MAP3K7: variants seen among roughly 807,000 people sequenced by gnomAD.
The protein encoded by MAP3K7 is TGF-beta activated kinase 1.
MAP3K7 carries 21 observed loss-of-function variants against 84.8 expected under a neutral mutation model. That is an observed-to-expected ratio of 0.25 (90% CI 0.18 to 0.36). The LOEUF (loss-of-function observed/expected upper bound fraction) is 0.36, where lower values mean the gene tolerates loss of function less well. Ranked by LOEUF, MAP3K7 falls within the 10% of genes least tolerant of loss-of-function variation. The probability of loss-of-function intolerance (pLI) is 1.00; values close to 1 mark genes in which losing one functional copy is unlikely to be tolerated. For missense variants in MAP3K7, 503 were observed against 747.7 expected (o/e 0.67, Z 3.82); for synonymous variants, 241 against 247.7 (o/e 0.97, Z 0.25).
chr6:90,575,517 G>A (rs540699287), intron 1 of MAP3K7, among the ~76,000 whole-genome samples: 7 of 152,244 alleles, frequency 4.6e-5, no homozygotes, highest in South Asian at 2.1e-4. Flanking sequence ...GCCCTAACCC[G>A]GGTTCCCTCA....
chr6:90,575,053 G>T (rs906500295), intron 1 of MAP3K7, among the ~76,000 whole-genome samples: 3 of 152,144 alleles, frequency 2.0e-5, no homozygotes, highest in African/African-American at 7.2e-5. Flanking sequence ...AATAATAACT[G>T]CTGTGAATTC....
intron 1 of MAP3K7, among the ~76,000 whole-genome samples, chr6:90,576,380 G>A (rs890018960): frequency 6.0e-5 from 9 of 151,226 alleles, no homozygotes; most frequent in South Asian, 2.1e-4. Context: ...CCGAGATCGC[G>A]CCACTGAACT....
intron 9 of MAP3K7, among the ~76,000 whole-genome samples, chr6:90,548,829 T>C (rs914525370): frequency 1.3e-5 from 2 of 150,408 alleles, no homozygotes; most frequent in African/African-American, 4.9e-5. Context: ...GAAAGTGCTG[T>C]CTGTAAGAAG....
chr6:90,576,349 A>G (rs1777075513), intron 1 of MAP3K7, among the ~76,000 whole-genome samples: 2 of 151,454 alleles, frequency 1.3e-5, no homozygotes, highest in African/African-American at 4.9e-5. Flanking sequence ...CGTGAACCTG[A>G]GAGGCCGAGG....
At chr6:90,553,363 A>C in intron 7 of MAP3K7, 95 bp downstream of exon 7, 15 of 1,184,372 alleles carry the variant, frequency 1.3e-5, no homozygotes, top group East Asian at 2.4e-5. Context: ...TTTTAATGTT[A>C]GAGATAAATG....
At chr6:90,523,541 C>T in intron 14 of MAP3K7, 137 bp downstream of exon 14, 1 of 520,124 alleles carries the variant, frequency 1.9e-6, no homozygotes, top group Admixed American at 3.0e-5. Context: ...ACATGTATTA[C>T]TAAATAGTTT....
chr6:90,585,447 G>A lies in MAP3K7; in HGVS notation c.120+1317C>T, dbSNP rs571252845. On this transcript the variant is annotated intron_variant, in intron 1 of 16. Transcript: ENST00000369329. ...AAAATAATTTTAGAATTTTAAAGTAGACATAACTCGTTGACAATCTATAAT... is the reference window on the plus strand; with the variant it reads ...AAAATAATTTTAGAATTTTAAAGTAAACATAACTCGTTGACAATCTATAAT... Among the ~76,000 whole-genome samples, 85 of 152,268 alleles carry A rather than the reference G, an allele frequency of 5.6e-4. 1 individual carries two copies. In the South Asian group the frequency reaches 8.5e-3, roughly 15 times the overall value.
At chr6:90,534,990 GT>G (rs1473995378) in intron 13 of MAP3K7, among the ~76,000 whole-genome samples, 1 of 152,042 alleles carries the variant, frequency 6.6e-6, no homozygotes, top group Non-Finnish European at 1.5e-5. Context: ...TCAGCCAAAA[GT>G]TCTGGGGTCT....
At chr6:90,562,164 C>T (rs370444811) in intron 3 of MAP3K7, among the ~76,000 whole-genome samples, 5 of 152,208 alleles carry the variant, frequency 3.3e-5, no homozygotes, top group African/African-American at 4.8e-5. Flanking sequence ...GCGTAAGCGA[C>T]GCAGAAGATA....
At position 90,523,788 on chromosome 6, in the gene MAP3K7, A is replaced by C; in HGVS notation, c.1357-5T>G. 1 of 1,512,578 alleles carries C rather than the reference A, an allele frequency of 6.6e-7. No homozygotes were observed. The highest frequency in any genetic ancestry group is 9.2e-7 in the Non-Finnish European group (1 of 1,087,670). The allele number at this position is 1,512,578 out of a possible 1,614,324, so 93.7% of individuals were successfully genotyped here. ...ACTGGATGACCTACTGCTCACCTACAGGAAGAAGTCACAGGAGAAACAAAA... is the reference window on the plus strand; with the variant it reads ...ACTGGATGACCTACTGCTCACCTACCGGAAGAAGTCACAGGAGAAACAAAA... On this transcript the variant is annotated splice_region_variant and splice_polypyrimidine_tract_variant and intron_variant, in intron 13 of 16. Transcript: ENST00000369329.
At chr6:90,564,307 C>T (rs1167622348) in intron 3 of MAP3K7, among the ~76,000 whole-genome samples, 3 of 152,090 alleles carry the variant, frequency 2.0e-5, no homozygotes, top group Non-Finnish European at 4.4e-5. Context: ...AGTAAGTGTG[C>T]TGTATTCAGG....
In MAP3K7 at chr6:90,516,313, A is replaced by T; in HGVS notation, c.*188T>A. 2 of 623,062 alleles carry T rather than the reference A, an allele frequency of 3.2e-6. No individual in the cohort carries two copies. Among genetic ancestry groups the T allele is most frequent in the Non-Finnish European group, 2.8e-6 (1 of 357,654 alleles). 38.6% of individuals were successfully genotyped at this position (623,062 alleles called of 1,614,324 possible). ...CAGATGCTACCATGTTATGCAATGA[A>T]ACAGTAAAATTGTATGTCCACCATG... On this transcript the variant is annotated 3_prime_UTR_variant, in exon 17 of 17. Transcript: ENST00000369329.
Position 90,514,180 on chromosome 6 carries a change from G to A in MAP3K7, c.*2321C>T, listed in dbSNP as rs1774886291. 1 of 152,046 alleles carries A rather than the reference G, an allele frequency of 6.6e-6. No individual in the cohort carries two copies. The highest frequency in any genetic ancestry group is 2.4e-5 in the African/African-American group (1 of 41,434). The allele number at this position is 152,046 out of a possible 1,614,324, so 9.4% of individuals were successfully genotyped here. A position where few individuals can be genotyped will look rare whatever the true frequency, so the allele number is the denominator to read the frequency against. On this transcript the variant is annotated 3_prime_UTR_variant, in exon 17 of 17. Coordinates refer to ENST00000369329, the MANE Select transcript of MAP3K7 (RefSeq NM_145331.3). ...ACCCAAAAAACGGTCAAAATAAATT[G>A]TAAAACCAGAACGAATAAGTTTGGC...
rs1427040633 is a variant in MAP3K7 at position 90,519,249 on chromosome 6, CT to C, written c.1524+8del. The C allele has an allele frequency of 6.3e-7, 1 of 1,576,386 alleles. No homozygotes were observed. Among genetic ancestry groups the C allele is most frequent in the Non-Finnish European group, 8.7e-7 (1 of 1,156,016 alleles). ...AAAGTCAACTTTCAATAAGAAAGTA[CT>C]CCTTTACCTGTAGTTGGTGATCCAG... On this transcript the variant is annotated splice_region_variant and intron_variant, in intron 15 of 16. Coordinates refer to ENST00000369329, the MANE Select transcript of MAP3K7 (RefSeq NM_145331.3).
At chr6:90,570,535 G>A (rs1473317178) in intron 2 of MAP3K7, among the ~76,000 whole-genome samples, 1 of 152,126 alleles carries the variant, frequency 6.6e-6, no homozygotes, top group Non-Finnish European at 1.5e-5. Flanking sequence ...AACAGCATCT[G>A]GACTGGGGAC....
At chr6:90,574,765 C>T (rs998949392) in intron 1 of MAP3K7, among the ~76,000 whole-genome samples, 3 of 152,136 alleles carry the variant, frequency 2.0e-5, no homozygotes, top group African/African-American at 7.2e-5. Context: ...GAGAGTAGAG[C>T]TGATTCTGAG....
chr6:90,580,067 A>G (rs1042383045), intron 1 of MAP3K7, among the ~76,000 whole-genome samples: 4 of 152,258 alleles, frequency 2.6e-5, no homozygotes, highest in Middle Eastern at 3.2e-3. Flanking sequence ...CTTGGTAACA[A>G]ATTTCCTTAT....
rs560446615 is a variant in MAP3K7 at position 90,513,766 on chromosome 6, T to C, written c.*2735A>G. Reference sequence around the variant, plus strand: ...GAGCGCTGAAAACCACACACATTTATAGAAAGAAACCAAAGTTTCACAGGG... The same window carrying C: ...GAGCGCTGAAAACCACACACATTTACAGAAAGAAACCAAAGTTTCACAGGG... On this transcript the variant is annotated 3_prime_UTR_variant, in exon 17 of 17. Coordinates refer to ENST00000369329, the MANE Select transcript of MAP3K7 (RefSeq NM_145331.3). 2.6e-5 allele frequency: 4 copies of C among 152,060 alleles called. No homozygotes were observed. The highest frequency in any genetic ancestry group is 5.9e-5 in the Non-Finnish European group (4 of 67,984). 9.4% of individuals were successfully genotyped at this position (152,060 alleles called of 1,614,324 possible).
At chr6:90,557,837 T>C (rs1776382525) in intron 5 of MAP3K7, among the ~76,000 whole-genome samples, 1 of 152,240 alleles carries the variant, frequency 6.6e-6, no homozygotes. Context: ...ACTTTCACAC[T>C]GTTAAGATTA....
Sources: gnomAD v4.1 joint callset for allele counts (sites outside exome capture counted in the v4.1 genomes callset) on GRCh38, gnomAD v4.1.1 for gene constraint, MANE v1.5 for transcripts, NCBI Gene and HGNC (gene_info 2026-07-23, HGNC 2026-07-21) for gene names.